SPECC1L: variants seen among roughly 807,000 people sequenced by gnomAD.
SPECC1L encodes sperm antigen with calponin homology and coiled-coil domains 1 like.
A neutral mutation model predicts 116.8 loss-of-function variants in SPECC1L; 40 were observed. The observed-to-expected ratio is 0.34, with a 90% CI of 0.27 to 0.45. SPECC1L has a LOEUF of 0.45. SPECC1L is among the 20% of genes least tolerant of loss of function. The probability of loss-of-function intolerance (pLI) is 1.00; values close to 1 mark genes in which losing one functional copy is unlikely to be tolerated. For missense variants in SPECC1L, 1,110 were observed against 1,373.6 expected, an observed-to-expected ratio of 0.81 and a Z score of 3.03; for synonymous variants, 504 against 500.6, an observed-to-expected ratio of 1.01 and a Z score of -0.09.
intron 2 of SPECC1L, among the ~76,000 whole-genome samples, chr22:24,288,904 G>A (rs570567755): frequency 3.0e-4 from 45 of 152,264 alleles, no homozygotes; most frequent in Admixed American, 1.5e-3. Flanking sequence ...GATTACAGGC[G>A]TGAGCCATTG....
chr22:24,370,606 G>A (rs921982614), intron 14 of SPECC1L, among the ~76,000 whole-genome samples: 1 of 152,188 alleles, frequency 6.6e-6, no homozygotes, highest in African/African-American at 2.4e-5. Flanking sequence ...GAGACTTGGA[G>A]AAATATTTTA....
Position 24,338,274 on chromosome 22 carries a change from T to C in SPECC1L, c.2561-112T>C. 5 of 1,004,702 alleles carry C rather than the reference T, an allele frequency of 5.0e-6. No individual in the cohort carries two copies. The East Asian group carries it at 7.4e-5, about 15-fold the overall frequency. 62.2% of individuals were successfully genotyped at this position (1,004,702 alleles called of 1,614,324 possible). ...AGAGGCTAGACATCAGCCAAGACAG[T>C]GTCCAGCGGGGTTTGAGAGCATTGG... On this transcript the variant is annotated intron_variant, in intron 9 of 16. Coordinates refer to ENST00000314328, the MANE Select transcript of SPECC1L (RefSeq NM_015330.6).
intron 14 of SPECC1L, among the ~76,000 whole-genome samples, chr22:24,373,516 A>C (rs976079029): frequency 5.3e-5 from 8 of 152,186 alleles, no homozygotes; most frequent in East Asian, 1.9e-4. Context: ...CAAAAACAAG[A>C]AATGGGGAAA....
chr22:24,332,696 C>T (rs1031148071), intron 8 of SPECC1L, among the ~76,000 whole-genome samples: 4 of 151,440 alleles, frequency 2.6e-5, no homozygotes, highest in Non-Finnish European at 4.4e-5. Flanking sequence ...CCCTGTTACT[C>T]TTCTTACTAA....
chr22:24,375,498 G>T (rs2041954200), intron 14 of SPECC1L, among the ~76,000 whole-genome samples: 1 of 152,144 alleles, frequency 6.6e-6, no homozygotes, highest in South Asian at 2.1e-4. Flanking sequence ...ATATGAAAAT[G>T]AATTAATACT....
intron 14 of SPECC1L, among the ~76,000 whole-genome samples, chr22:24,406,875 T>C (rs1344965285): frequency 1.3e-5 from 2 of 152,192 alleles, no homozygotes; most frequent in African/African-American, 4.8e-5. Context: ...CATTAGCAGT[T>C]AGAGTTTTCA....
At chr22:24,345,633 CAA>C (rs60704157) in intron 10 of SPECC1L, among the ~76,000 whole-genome samples, 6,061 of 152,106 alleles carry the variant, frequency 0.04, 395 homozygotes, top group African/African-American at 0.14. Flanking sequence ...GAGAAGAATA[CAA>C]ATGGCCAATG....
intron 8 of SPECC1L, among the ~76,000 whole-genome samples, chr22:24,333,261 C>CT (rs1282262615): frequency 3.3e-5 from 5 of 152,050 alleles, no homozygotes; most frequent in African/African-American, 4.8e-5. Context: ...ATCATGACAG[C>CT]TAAATGACCT....
At chr22:24,352,258 A>T (rs1396543644) in intron 11 of SPECC1L, among the ~76,000 whole-genome samples, 1 of 152,222 alleles carries the variant, frequency 6.6e-6, no homozygotes, top group Non-Finnish European at 1.5e-5. Flanking sequence ...TGCCAAGTAC[A>T]TGGATACAGG....
intron 2 of SPECC1L, among the ~76,000 whole-genome samples, chr22:24,298,503 G>T (rs1012948986): frequency 6.6e-6 from 1 of 152,218 alleles, no homozygotes; most frequent in Admixed American, 6.5e-5. Context: ...TATGGAGGCT[G>T]AGAAGTCCCA....
chr22:24,369,055 A>G (rs1033944401), intron 13 of SPECC1L, among the ~76,000 whole-genome samples, 163 bp from the exon 14 acceptor site: 2 of 152,262 alleles, frequency 1.3e-5, no homozygotes, highest in Non-Finnish European at 2.9e-5. Flanking sequence ...CAGTGCATCT[A>G]TGGAGCCATA....
chr22:24,296,244 C>T (rs1300189743), intron 2 of SPECC1L, among the ~76,000 whole-genome samples: 11 of 152,192 alleles, frequency 7.2e-5, no homozygotes, highest in Non-Finnish European at 1.6e-4. Context: ...GACATACCCA[C>T]CTGGGATCAT....
rs1489878017 is a variant in SPECC1L, at chr22:24,415,669, C to T, written c.*1046C>T. ...GCCAGAGTTAAAGAAAGTGCCTTAA[C>T]TCTTCTTGTGAGGGCAGCCACTGCC... On this transcript the variant is annotated 3_prime_UTR_variant, in exon 17 of 17. Transcript: ENST00000314328. The T allele has an allele frequency of 1.3e-5, 2 of 152,466 alleles. No homozygotes were observed. The highest frequency in any genetic ancestry group is 2.4e-5 in the African/African-American group (1 of 41,426). 9.4% of individuals were successfully genotyped at this position (152,466 alleles called of 1,614,324 possible). A position where few individuals can be genotyped will look rare whatever the true frequency, so the allele number is the denominator to read the frequency against.
intron 14 of SPECC1L, among the ~76,000 whole-genome samples, chr22:24,385,712 T>C (rs5760387): frequency 0.55 from 83,195 of 152,094 alleles, 23,094 homozygotes; most frequent in African/African-American, 0.64. Flanking sequence ...ACTGAGAGCA[T>C]ATCATAAATT....
chr22:24,342,503 T>G (rs1409884710), intron 10 of SPECC1L, among the ~76,000 whole-genome samples: 1 of 151,828 alleles, frequency 6.6e-6, no homozygotes, highest in East Asian at 1.9e-4. Context: ...AAACCCCATC[T>G]CTACTAAAAC....
At chr22:24,293,478 AAG>A (rs1282591187) in intron 2 of SPECC1L, among the ~76,000 whole-genome samples, 3 of 152,058 alleles carry the variant, frequency 2.0e-5, no homozygotes, top group African/African-American at 7.2e-5. Flanking sequence ...AGGGGGGAAA[AAG>A]AGAACAGTAG....
chr22:24,407,520 G>A (rs1385850826), intron 14 of SPECC1L, among the ~76,000 whole-genome samples: 1 of 152,208 alleles, frequency 6.6e-6, no homozygotes, highest in East Asian at 1.9e-4. Context: ...AGCTGCCTGC[G>A]TTTCAGGGAG....
intron 2 of SPECC1L, among the ~76,000 whole-genome samples, chr22:24,300,562 A>G (rs972772355): frequency 2.6e-5 from 4 of 152,220 alleles, no homozygotes; most frequent in African/African-American, 7.2e-5. Flanking sequence ...GTCTTCCACA[A>G]TGGTTGAAGT....
intron 2 of SPECC1L, among the ~76,000 whole-genome samples, chr22:24,290,350 G>C (rs780312469): frequency 6.6e-6 from 1 of 152,212 alleles, no homozygotes; most frequent in Non-Finnish European, 1.5e-5. Flanking sequence ...AGGGGAGGTA[G>C]ATCTGGATGC....
Sources: gnomAD v4.1 joint callset for allele counts (sites outside exome capture counted in the v4.1 genomes callset) on GRCh38, gnomAD v4.1.1 for gene constraint, MANE v1.5 for transcripts, NCBI Gene and HGNC (gene_info 2026-07-23, HGNC 2026-07-21) for gene names.